C2CD5: variants seen among roughly 807,000 people sequenced by gnomAD.
The protein encoded by C2CD5 is C2 calcium dependent domain containing 5.
Under a neutral mutation model 130.3 loss-of-function variants are expected in C2CD5, and 109 were observed. The observed-to-expected ratio is 0.84, with a 90% CI of 0.72 to 0.98. The LOEUF is 0.98. Among genes scored for constraint, C2CD5 ranks in the 50% least tolerant of loss-of-function variants. The pLI is 0.00. For synonymous variants in C2CD5, 454 were observed against 429.2 expected (o/e 1.06, Z -0.71); for missense variants, 996 against 1,261.8 (o/e 0.79, Z 3.19).
chr12:22,504,304 CTT>C (rs10707954), intron 10 of C2CD5, among the ~76,000 whole-genome samples: 13 of 135,582 alleles, frequency 9.6e-5, no homozygotes, highest in Admixed American at 2.9e-4. Flanking sequence ...GTTTTTTTTT[CTT>C]TTTTTTTTTT....
chr12:22,513,487 C>A, intron 8 of C2CD5, 108 bp from the exon 9 acceptor site: 1 of 761,814 alleles, frequency 1.3e-6, no homozygotes, highest in Non-Finnish European at 2.4e-6. Context: ...ATAAAATGAT[C>A]GAAACATTTA....
At chr12:22,534,140 A>G (rs1168955713) in intron 3 of C2CD5, among the ~76,000 whole-genome samples, 1 of 152,216 alleles carries the variant, frequency 6.6e-6, no homozygotes, top group African/African-American at 2.4e-5. Flanking sequence ...GTGAGCCAAG[A>G]TCGCACCATT....
At chr12:22,476,603 C>T (rs1398764714) in intron 15 of C2CD5, among the ~76,000 whole-genome samples, 2 of 152,040 alleles carry the variant, frequency 1.3e-5, no homozygotes, top group East Asian at 3.8e-4. Flanking sequence ...TATTTAAACA[C>T]ATCCCTGTCT....
chr12:22,503,282 A>G (rs542226806), intron 10 of C2CD5, among the ~76,000 whole-genome samples: 1 of 152,186 alleles, frequency 6.6e-6, no homozygotes, highest in Non-Finnish European at 1.5e-5. Context: ...ATCTCAATCC[A>G]TCGTTAAGTC....
intron 2 of C2CD5, among the ~76,000 whole-genome samples, chr12:22,542,742 C>T (rs778054740): frequency 2.0e-5 from 3 of 152,168 alleles, no homozygotes; most frequent in Non-Finnish European, 4.4e-5. Context: ...GGTTTGCAAG[C>T]TATGTAACCT....
intron 14 of C2CD5, 95 bp from the exon 15 acceptor site, chr12:22,478,572 G>A (rs139323192): frequency 9.4e-7 from 1 of 1,065,694 alleles, no homozygotes; most frequent in East Asian, 2.6e-5. Context: ...ACAGCTGGGT[G>A]CAGTGGCTCA....
chr12:22,493,718 C>T (rs1005594479), intron 10 of C2CD5, among the ~76,000 whole-genome samples: 1 of 151,842 alleles, frequency 6.6e-6, no homozygotes, highest in African/African-American at 2.4e-5. Context: ...GTGTTATATC[C>T]ATAAATTTAA....
chr12:22,528,783 T>C (rs1181840963), intron 3 of C2CD5, among the ~76,000 whole-genome samples: 1 of 152,208 alleles, frequency 6.6e-6, no homozygotes, highest in Non-Finnish European at 1.5e-5. Flanking sequence ...GGTCAAGTGA[T>C]AGCTCTGCAA....
intron 2 of C2CD5, among the ~76,000 whole-genome samples, chr12:22,538,196 G>A (rs1041191239): frequency 2.0e-5 from 3 of 152,150 alleles, no homozygotes; most frequent in Non-Finnish European, 4.4e-5. Context: ...CAACTGTTTA[G>A]TCATCTTTTT....
At chr12:22,513,189 G>C (rs1451422479) in intron 9 of C2CD5, 105 bp downstream of exon 9, 29 of 764,450 alleles carry the variant, frequency 3.8e-5, no homozygotes. Context: ...CAATATTATA[G>C]ATATGTAACC....
chr12:22,482,966 C>G (rs945524541), intron 13 of C2CD5, among the ~76,000 whole-genome samples: 1 of 151,942 alleles, frequency 6.6e-6, no homozygotes, highest in Non-Finnish European at 1.5e-5. Flanking sequence ...TGAATAAGAC[C>G]TAGTATTTGA....
intron 3 of C2CD5, among the ~76,000 whole-genome samples, chr12:22,530,183 ATAC>A (rs1370377891): frequency 1.4e-5 from 2 of 143,312 alleles, no homozygotes; most frequent in Non-Finnish European, 3.0e-5. Flanking sequence ...ACAACTATAT[ATAC>A]AACTGTGTAT....
intron 10 of C2CD5, among the ~76,000 whole-genome samples, chr12:22,493,944 A>G (rs930088178): frequency 5.3e-5 from 8 of 152,154 alleles, no homozygotes; most frequent in Admixed American, 5.2e-4. Context: ...ATTAACACAA[A>G]TAATTTGGTA....
At chr12:22,527,532 G>T (rs901417037) in intron 4 of C2CD5, among the ~76,000 whole-genome samples, 189 bp downstream of exon 4, 4 of 151,642 alleles carry the variant, frequency 2.6e-5, no homozygotes, top group Non-Finnish European at 5.9e-5. Flanking sequence ...TGATCAGGCT[G>T]GTCTCGAACT....
At chr12:22,472,174 G>T (rs1943142111) in intron 18 of C2CD5, 109 bp from the exon 19 acceptor site, 1 of 851,124 alleles carries the variant, frequency 1.2e-6, no homozygotes, top group Non-Finnish European at 1.9e-6. Flanking sequence ...GTAGAATAAG[G>T]ATGGTATTTT....
At chr12:22,495,426 A>T (rs566450906) in intron 10 of C2CD5, among the ~76,000 whole-genome samples, 3 of 152,268 alleles carry the variant, frequency 2.0e-5, no homozygotes, top group African/African-American at 7.2e-5. Flanking sequence ...AAAGTATGTT[A>T]TAACAATTCC....
chr12:22,475,650 T>C (rs749797668), intron 15 of C2CD5, among the ~76,000 whole-genome samples: 3 of 152,144 alleles, frequency 2.0e-5, no homozygotes, highest in Non-Finnish European at 2.9e-5. Context: ...AAATTGTACA[T>C]AAAATTTTTC....
Position 22,484,885 on chromosome 12 carries a change from A to G in C2CD5, c.1362T>C (p.Leu454=), listed in dbSNP as rs766973982. The stretch of plus-strand genomic sequence containing the variant: ...CACAACGTGTAGGCAAATTTTCTTC[A>G]AGCCTATATAAATAAATAAAAAAAT... ...GTVEGCLEQR[L]EENLPTRCGF... Residue 454 remains leucine, a synonymous_variant, in exon 13 of 27, where the codon CTT becomes CTC. Coordinates refer to ENST00000446597, the MANE Select transcript of C2CD5 (RefSeq NM_001286176.2). The G allele has an allele frequency of 5.5e-6, 8 of 1,462,910 alleles. No individual in the cohort carries two copies. The Admixed American group carries it at 1.6e-4, about 29-fold the overall frequency. 90.6% of individuals were successfully genotyped at this position (1,462,910 alleles called of 1,614,324 possible).
At chr12:22,487,945 C>G (rs1431165628) in intron 12 of C2CD5, among the ~76,000 whole-genome samples, 1 of 150,226 alleles carries the variant, frequency 6.7e-6, no homozygotes, top group Non-Finnish European at 1.5e-5. Flanking sequence ...AGCAAACTAT[C>G]ACAAGGACAA....
Sources: allele counts gnomAD v4.1 joint callset (sites outside exome capture counted in the v4.1 genomes callset), GRCh38; gene constraint gnomAD v4.1.1; transcripts MANE v1.5; gene names NCBI Gene and HGNC (gene_info 2026-07-23, HGNC 2026-07-21).